The following SLC39A11 variants were observed in gnomAD, a reference collection of about 807,000 sequenced individuals.
SLC39A11 encodes the protein solute carrier family 39 member 11, also known as zinc transporter ZIP11.
A neutral mutation model predicts 36.1 loss-of-function variants in SLC39A11; 33 were observed. That is an observed-to-expected ratio of 0.91 (90% confidence interval 0.69 to 1.22). The LOEUF (loss-of-function observed/expected upper bound fraction) is 1.22, where lower values mean the gene tolerates loss of function less well. Among genes scored for constraint, SLC39A11 ranks in the 50% most tolerant of loss-of-function variants. SLC39A11 has a pLI of 0.00. For missense variants in SLC39A11, 432 were observed against 430.3 expected (o/e 1.00, Z -0.03); for synonymous variants, 166 against 170.3 (o/e 0.97, Z 0.20).
chr17:72,877,368 C>T (rs867910544), intron 5 of SLC39A11, among the ~76,000 whole-genome samples: 12 of 152,164 alleles, frequency 7.9e-5, no homozygotes, highest in South Asian at 6.2e-4. Flanking sequence ...AAATTATTGG[C>T]GGCTTTATAT....
intron 4 of SLC39A11, among the ~76,000 whole-genome samples, chr17:73,022,496 G>A (rs1362200104): frequency 1.3e-5 from 2 of 151,294 alleles, no homozygotes; most frequent in Non-Finnish European, 2.9e-5. Context: ...CCAGGAGGCT[G>A]AGGCAGGAGA....
Position 72,936,411 on chromosome 17 carries a change from T to TAAA in SLC39A11, c.430+11338_430+11340dup, listed in dbSNP as rs746428868. ...TGGCAGTATCTCATCTGAAAAAAAG[T>TAAA]AAAAAAAAAAAAAAAAAAAAAAAAA... On this transcript the variant is annotated intron_variant, in intron 5 of 9. Coordinates refer to ENST00000255559, the MANE Select transcript of SLC39A11 (RefSeq NM_139177.4). 1.7e-3 allele frequency among the ~76,000 whole-genome samples: 126 copies of TAAA among 73,450 alleles called. 3 individuals are homozygous for TAAA. Among genetic ancestry groups the TAAA allele is most frequent in the East Asian group, 0.016 (35 of 2,128 alleles). 48.2% of individuals were successfully genotyped at this position (73,450 alleles called of 152,430 possible).
At chr17:72,984,960 G>C (rs2088605651) in intron 4 of SLC39A11, among the ~76,000 whole-genome samples, 1 of 152,176 alleles carries the variant, frequency 6.6e-6, no homozygotes, top group Non-Finnish European at 1.5e-5. Context: ...CCCTCTTATG[G>C]AATCAATTTT....
At chr17:73,051,893 G>A (rs1183519823) in intron 3 of SLC39A11, among the ~76,000 whole-genome samples, 2 of 149,672 alleles carry the variant, frequency 1.3e-5, no homozygotes, top group Non-Finnish European at 3.0e-5. Context: ...GGTGCCAGAG[G>A]GAATGTCGAA....
chr17:72,879,976 C>T (rs2081112124), intron 5 of SLC39A11, among the ~76,000 whole-genome samples: 1 of 152,220 alleles, frequency 6.6e-6, no homozygotes, highest in African/African-American at 2.4e-5. Flanking sequence ...TTTGTCCAGA[C>T]TCCTTAAAAA....
At chr17:72,951,639 A>G (rs1459168521) in intron 4 of SLC39A11, among the ~76,000 whole-genome samples, 1 of 152,200 alleles carries the variant, frequency 6.6e-6, no homozygotes, top group Non-Finnish European at 1.5e-5. Context: ...AAAGAAAAAT[A>G]AGCCATATCT....
rs368367591 is a variant in SLC39A11, at chr17:72,801,459, T to C, written c.601+48175A>G. ...CCAGGCTGGTCTTGAATTCCTGACCTCAAGTGATCCTCCCGCCTCAGCCTC... is the reference window on the plus strand; with the variant it reads ...CCAGGCTGGTCTTGAATTCCTGACCCCAAGTGATCCTCCCGCCTCAGCCTC... On this transcript the variant is annotated intron_variant, in intron 6 of 9. Transcript: ENST00000255559. Among the ~76,000 whole-genome samples, 7 of 152,318 alleles carry C rather than the reference T, an allele frequency of 4.6e-5. No individual in the cohort carries two copies. In the East Asian group the frequency reaches 1.2e-3, roughly 25 times the overall value.
chr17:72,857,205 A>T (rs563704980), intron 5 of SLC39A11, among the ~76,000 whole-genome samples: 134 of 152,178 alleles, frequency 8.8e-4, no homozygotes, highest in African/African-American at 3.2e-3. Context: ...TCATCATTTA[A>T]CTTCCACTTG....
Position 72,900,062 on chromosome 17 carries a change from AAGAG to A in SLC39A11, c.430+47686_430+47689del, listed in dbSNP as rs576702587. ...AGAGAGAGAGAAAGAGAAAGAAAGA[AAGAG>A]AGAGAGAGAAAGAGAGAAAGAGAAA... On this transcript the variant is annotated intron_variant, in intron 5 of 9. Coordinates refer to ENST00000255559, the MANE Select transcript of SLC39A11 (RefSeq NM_139177.4). Among the ~76,000 whole-genome samples the A allele has an allele frequency of 4.8e-4, 68 of 140,260 alleles. 1 individual carries two copies. The highest frequency in any genetic ancestry group is 1.8e-3 in the Admixed American group (26 of 14,512). The allele number at this position is 140,260 out of a possible 152,430, so 92.0% of individuals were successfully genotyped here.
intron 6 of SLC39A11, among the ~76,000 whole-genome samples, chr17:72,837,112 C>T (rs1321538663): frequency 6.6e-6 from 1 of 152,114 alleles, no homozygotes; most frequent in Non-Finnish European, 1.5e-5. Flanking sequence ...TGCACAAGGG[C>T]AAGCTGAAGG....
At position 72,748,020 on chromosome 17, in the gene SLC39A11, A is replaced by C. The variant is rs899218595; in HGVS notation, c.602-11301T>G. On this transcript the variant is annotated intron_variant, in intron 6 of 9. Coordinates refer to ENST00000255559, the MANE Select transcript of SLC39A11 (RefSeq NM_139177.4). ...AAGTGTTCTAGAAAAGTTGACTTTA[A>C]ATCAAATTCTTATCAATAAGGCCAG... Among the ~76,000 whole-genome samples, 5 of 152,222 alleles carry C rather than the reference A, an allele frequency of 3.3e-5. No individual in the cohort carries two copies. The South Asian group carries it at 1.0e-3, about 32-fold the overall frequency.
At chr17:72,729,457 A>ATATATATT (rs1555650680) in intron 7 of SLC39A11, among the ~76,000 whole-genome samples, 1 of 7,240 alleles carries the variant, frequency 1.4e-4, no homozygotes, top group Non-Finnish European at 3.2e-4. Context: ...ATATATATAT[A>ATATATATT]TTTTTTTTTT....
At chr17:72,763,081 GA>G (rs933367517) in intron 6 of SLC39A11, among the ~76,000 whole-genome samples, 3 of 152,102 alleles carry the variant, frequency 2.0e-5, no homozygotes, top group African/African-American at 7.2e-5. Context: ...ATTTCCTAAA[GA>G]CCACCTGACC....
intron 2 of SLC39A11, 82 bp from the exon 3 acceptor site, chr17:73,084,928 A>C: frequency 1.4e-6 from 2 of 1,457,644 alleles, no homozygotes; most frequent in South Asian, 1.1e-5. Context: ...CATAAGGCCC[A>C]AAAGAGCCAC....
intron 6 of SLC39A11, among the ~76,000 whole-genome samples, chr17:72,806,202 G>A (rs139828435): frequency 1.3e-5 from 2 of 152,170 alleles, no homozygotes; most frequent in East Asian, 1.9e-4. Context: ...TATCCTGGCC[G>A]CCCCCTCAGC....
intron 5 of SLC39A11, among the ~76,000 whole-genome samples, chr17:72,913,047 C>T (rs2083113300): frequency 6.6e-6 from 1 of 151,998 alleles, no homozygotes; most frequent in African/African-American, 2.4e-5. Flanking sequence ...CTGATGTTTC[C>T]AGCAATTTCT....
chr17:73,054,007 A>G (rs2059587704), intron 3 of SLC39A11, among the ~76,000 whole-genome samples: 1 of 152,184 alleles, frequency 6.6e-6, no homozygotes, highest in Non-Finnish European at 1.5e-5. Context: ...AGTAATATAA[A>G]TCAGCACACA....
chr17:72,650,611 G>A (rs1331013130), intron 7 of SLC39A11, among the ~76,000 whole-genome samples: 2 of 152,168 alleles, frequency 1.3e-5, no homozygotes, highest in Non-Finnish European at 2.9e-5. Flanking sequence ...AGGGCCATCT[G>A]ATCAACAATG....
intron 7 of SLC39A11, among the ~76,000 whole-genome samples, chr17:72,693,246 A>G (rs1199507138): frequency 9.8e-6 from 1 of 102,042 alleles, no homozygotes; most frequent in Non-Finnish European, 1.7e-5. Flanking sequence ...CTCTTGTCCC[A>G]GGAAGCTGTG....
Sources: allele counts gnomAD v4.1 joint callset (sites outside exome capture counted in the v4.1 genomes callset), GRCh38; gene constraint gnomAD v4.1.1; transcripts MANE v1.5; gene names NCBI Gene and HGNC (gene_info 2026-07-23, HGNC 2026-07-21).